Variants in ATRX observed in about 807,000 individuals in gnomAD.
ATRX encodes the protein chromatin remodeler ATRX.
ATRX carries 12 observed loss-of-function variants against 172.6 expected under a neutral mutation model. The ratio of observed to expected loss-of-function variants is 0.07; its 90% CI spans 0.04 to 0.11. The LOEUF (loss-of-function observed/expected upper bound fraction) is 0.11. Among genes scored for constraint, ATRX ranks in the 10% least tolerant of loss-of-function variants. The pLI is 1.00. For synonymous variants in ATRX, 674 were observed against 594.7 expected (o/e 1.13, Z -1.94); for missense variants, 1,368 against 1,767.4 (o/e 0.77, Z 4.05).
intron 1 of ATRX, among the ~76,000 whole-genome samples, chrX:77,728,810 A>G (rs1173015019): frequency 1.9e-3 from 187 of 99,638 alleles, no homozygotes; most frequent in African/African-American, 6.6e-3. Flanking sequence ...CCCAGGCTGG[A>G]GTGCAGTGGT....
rs186384799 is a variant in ATRX, at chrX:77,717,307, G to T, written c.21-64C>A. 4.9e-4 allele frequency: 453 copies of T among 923,014 alleles called. No homozygotes were observed. In the African/African-American group the frequency reaches 8.2e-3, roughly 17 times the overall value. The allele number at this position is 923,014 out of a possible 1,213,427, so 76.1% of individuals were successfully genotyped here. A position where few individuals can be genotyped will look rare whatever the true frequency, so the allele number is the denominator to read the frequency against. On this transcript the variant is annotated intron_variant, in intron 1 of 34. Transcript: ENST00000373344. ...TTTCATGTTTTAAATTAATTGTAAA[G>T]CTCTAGCAAACTGAAAATATAGCCA...
chrX:77,766,718 A>G (rs1407212733), intron 1 of ATRX, among the ~76,000 whole-genome samples: 2 of 92,280 alleles, frequency 2.2e-5, no homozygotes, highest in Non-Finnish European at 4.2e-5. Flanking sequence ...CCGGGCAGAG[A>G]CGCTCCTCAC....
intron 29 of ATRX, 26 bp downstream of exon 29, chrX:77,558,643 T>C: frequency 8.8e-7 from 1 of 1,134,490 alleles, no homozygotes; most frequent in East Asian, 3.0e-5. Flanking sequence ...AAACTTTCAA[T>C]ATGAAAAAGA....
chrX:77,538,385 C>T (rs782624976), intron 30 of ATRX, among the ~76,000 whole-genome samples: 2 of 110,749 alleles, frequency 1.8e-5, no homozygotes, highest in Non-Finnish European at 3.8e-5. Context: ...TCAAATACTA[C>T]ATATTCTCAC....
chrX:77,762,736 G>A (rs2075766348), intron 1 of ATRX, among the ~76,000 whole-genome samples: 1 of 110,948 alleles, frequency 9.0e-6, no homozygotes, highest in African/African-American at 3.3e-5. Flanking sequence ...AAAAAAAAAA[G>A]AAGAGTAAAA....
intron 25 of ATRX, 41 bp from the exon 26 acceptor site, chrX:77,593,890 A>G (rs1026936477): frequency 3.5e-6 from 4 of 1,140,967 alleles, no homozygotes; most frequent in Non-Finnish European, 4.8e-6. Context: ...AAATTAGAAA[A>G]GAAATGGAAA....
chrX:77,724,016 C>T (rs2073905416), intron 1 of ATRX, among the ~76,000 whole-genome samples: 2 of 111,564 alleles, frequency 1.8e-5, no homozygotes, highest in Middle Eastern at 9.1e-3. Flanking sequence ...CACGGTAGCT[C>T]ACACCTGTAA....
At chrX:77,615,026 T>C (rs45492504) in intron 22 of ATRX, among the ~76,000 whole-genome samples, 3,103 of 111,133 alleles carry the variant, frequency 0.028, 110 homozygotes, top group African/African-American at 0.097. Flanking sequence ...TGAGACAAGG[T>C]AGTGCTCTGT....
chrX:77,728,194 C>T (rs2074136410), intron 1 of ATRX: 1 of 102,198 alleles, frequency 9.8e-6, no homozygotes, highest in Admixed American at 1.1e-4. Flanking sequence ...GCCTGGTCAA[C>T]ATAGCGAGCC....
intron 25 of ATRX, chrX:77,596,396 T>C (rs1293548719): frequency 1.9e-5 from 2 of 107,628 alleles, no homozygotes; most frequent in African/African-American, 6.6e-5. Flanking sequence ...TACATTATGA[T>C]ATACTCCATT....
intron 1 of ATRX, among the ~76,000 whole-genome samples, chrX:77,734,206 C>CAAAT (rs1373368475): frequency 2.5e-5 from 2 of 79,742 alleles, no homozygotes; most frequent in Non-Finnish European, 5.0e-5. Context: ...GATTCTGTCT[C>CAAAT]AAATACATAC....
At chrX:77,688,546 C>T (rs1245892025) in intron 7 of ATRX, among the ~76,000 whole-genome samples, 2 of 111,560 alleles carry the variant, frequency 1.8e-5, no homozygotes, top group Non-Finnish European at 3.8e-5. Flanking sequence ...ATCTCACTTA[C>T]CAGGCTGATT....
At chrX:77,547,790 T>C (rs976673365) in intron 30 of ATRX, among the ~76,000 whole-genome samples, 6 of 111,563 alleles carry the variant, frequency 5.4e-5, no homozygotes, top group African/African-American at 2.0e-4. Flanking sequence ...ACCTATGTCT[T>C]CTGCAGCTTA....
intron 1 of ATRX, among the ~76,000 whole-genome samples, chrX:77,750,238 A>G (rs554307402): frequency 2.1e-4 from 24 of 111,824 alleles, no homozygotes; most frequent in African/African-American, 6.5e-4. Context: ...GGAAAAAAAC[A>G]TAAGTGTATA....
At chrX:77,582,624 A>C (rs898346896) in intron 27 of ATRX, among the ~76,000 whole-genome samples, 7 of 111,654 alleles carry the variant, frequency 6.3e-5, no homozygotes, top group Admixed American at 9.5e-5. Flanking sequence ...AAAAGAGAGA[A>C]GACCCAAAAA....
intron 19 of ATRX, among the ~76,000 whole-genome samples, chrX:77,624,353 C>G (rs1449082989): frequency 1.8e-5 from 2 of 109,648 alleles, no homozygotes; most frequent in Non-Finnish European, 3.8e-5. Context: ...GGCGACAGAG[C>G]GAGACTCCAT....
intron 2 of ATRX, among the ~76,000 whole-genome samples, chrX:77,709,964 G>T (rs1292113607): frequency 9.0e-6 from 1 of 111,519 alleles, no homozygotes; most frequent in African/African-American, 3.3e-5. Context: ...CTGAAATCAG[G>T]AATCGGCCCA....
intron 30 of ATRX, among the ~76,000 whole-genome samples, chrX:77,547,049 T>C (rs2064268960): frequency 9.0e-6 from 1 of 111,504 alleles, no homozygotes; most frequent in Non-Finnish European, 1.9e-5. Context: ...GTTCATATTC[T>C]AGAGAGAATA....
At position 77,508,395 on chromosome X, in the gene ATRX, T is replaced by C. The variant is rs200478641; in HGVS notation, c.7435A>G (p.Met2479Val). The C allele has an allele frequency of 2.4e-5, 29 of 1,209,708 alleles. No homozygotes were observed. The Admixed American group carries it at 3.3e-4, about 14-fold the overall frequency. Reference sequence around the variant, plus strand: ...GAAGGTCCTGGATTTTTGCTTCTCATTGGGGGTGGTGCACGCTGTAATGGT... The same window carrying C: ...GAAGGTCCTGGATTTTTGCTTCTCACTGGGGGTGGTGCACGCTGTAATGGT... The part of the protein sequence containing the change: ...PPPLQRAPPP[M>V]RSKNPGPSQG... Residue 2479 changes from methionine (M) to valine (V), a missense_variant, in exon 35 of 35, where the codon ATG (methionine) becomes GTG (valine). By Grantham distance (21) the Met-to-Val change is conservative. Around this residue, in one of 17 missense-constraint regions of ATRX, gnomAD observed 100 missense variants for 153.9 expected, o/e 0.65. Coordinates refer to ENST00000373344, the MANE Select transcript of ATRX (RefSeq NM_000489.6).
Sources: allele counts gnomAD v4.1 joint callset (sites outside exome capture counted in the v4.1 genomes callset), GRCh38; gene constraint gnomAD v4.1.1; regional missense constraint gnomAD v4.1.1; transcripts MANE v1.5; gene names NCBI Gene and HGNC (gene_info 2026-07-23, HGNC 2026-07-21).